Variants in CDH11 observed in about 807,000 individuals in gnomAD.
The protein encoded by CDH11 is cadherin 11, also known as cadherin-11.
In CDH11, 11 loss-of-function variants were observed where a neutral mutation model predicts 67.8. The ratio of observed to expected loss-of-function variants is 0.16; its 90% CI spans 0.10 to 0.27. CDH11 has a LOEUF of 0.27. Ranked by LOEUF, CDH11 falls within the 10% of genes least tolerant of loss-of-function variation. CDH11 has a pLI of 1.00. For synonymous variants in CDH11, 419 were observed against 400.0 expected (o/e 1.05, Z -0.57); for missense variants, 847 against 1,031.2 (o/e 0.82, Z 2.45).
At chr16:65,080,380 T>A (rs1249628257) in intron 1 of CDH11, among the ~76,000 whole-genome samples, 1 of 152,084 alleles carries the variant, frequency 6.6e-6, no homozygotes, top group African/African-American at 2.4e-5. Context: ...TCAAAAGAGG[T>A]AAGACTTTTA....
chr16:64,954,921 T>G (rs2071464015), intron 11 of CDH11, among the ~76,000 whole-genome samples: 1 of 136,148 alleles, frequency 7.3e-6, no homozygotes, highest in Non-Finnish European at 1.6e-5. Flanking sequence ...CTGGCCAAAA[T>G]AGTAAAACCC....
intron 11 of CDH11, among the ~76,000 whole-genome samples, chr16:64,969,490 G>C (rs1189096565): frequency 2.0e-5 from 3 of 152,180 alleles, no homozygotes; most frequent in Non-Finnish European, 4.4e-5. Flanking sequence ...AGTCATATGA[G>C]AACATCTGAG....
intron 2 of CDH11, among the ~76,000 whole-genome samples, chr16:65,021,890 A>AAG (rs1555520098): frequency 2.1e-3 from 321 of 150,804 alleles, no homozygotes; most frequent in African/African-American, 7.5e-3. Context: ...AAAAAAAAAA[A>AAG]AAAGAAAGAA....
rs531643856 is a variant in CDH11 at position 65,107,235 on chromosome 16, T to C, written c.-298+14645A>G. On this transcript the variant is annotated intron_variant, in intron 1 of 12. Coordinates refer to ENST00000268603, the MANE Select transcript of CDH11 (RefSeq NM_001797.4). ...CATCCACTTATTAGCTGCATAATAT[T>C]GGGAAAAGTTGCTGAATTATCCTAG... is the stretch of plus-strand genomic sequence containing the variant. Among the ~76,000 whole-genome samples the C allele has an allele frequency of 4.6e-5, 7 of 152,338 alleles. No individual in the cohort carries two copies. In the South Asian group the frequency reaches 1.4e-3, roughly 32 times the overall value.
At chr16:65,082,462 C>G (rs1178958221) in intron 1 of CDH11, among the ~76,000 whole-genome samples, 4 of 152,126 alleles carry the variant, frequency 2.6e-5, no homozygotes, top group Non-Finnish European at 5.9e-5. Context: ...AGACTGGGCA[C>G]CTGGTATTCC....
intron 1 of CDH11, among the ~76,000 whole-genome samples, chr16:65,102,513 T>C (rs879547884): frequency 3.3e-5 from 5 of 152,246 alleles, no homozygotes; most frequent in Non-Finnish European, 7.3e-5. Flanking sequence ...AACTCTGGAC[T>C]TGCCCATATG....
chr16:64,995,894 C>T (rs2072750511), intron 4 of CDH11, among the ~76,000 whole-genome samples: 1 of 151,926 alleles, frequency 6.6e-6, no homozygotes, highest in Admixed American at 6.6e-5. Context: ...TTAAACAATT[C>T]AACAAGTAAA....
chr16:65,015,044 T>TATTATTATTATTATC (rs1555519288), intron 2 of CDH11, among the ~76,000 whole-genome samples: 31 of 147,980 alleles, frequency 2.1e-4, no homozygotes, highest in African/African-American at 6.4e-4. Flanking sequence ...TTATTATTAT[T>TATTATTATTATTATC]ATTATTATTG....
In CDH11 at chr16:65,120,860, A is replaced by G. The variant is rs894656722; in HGVS notation, c.-298+1020T>C. 4.6e-5 allele frequency among the ~76,000 whole-genome samples: 7 copies of G among 152,130 alleles called. No homozygotes were observed. In the East Asian group the frequency reaches 1.4e-3, roughly 30 times the overall value. On this transcript the variant is annotated intron_variant, in intron 1 of 12. Coordinates refer to ENST00000268603, the MANE Select transcript of CDH11 (RefSeq NM_001797.4). ...TCCCCCGACCCCACTTTCTCTGGGG[A>G]CTCCGCTTCACAGCGTGAGGCGGGC... is the stretch of plus-strand genomic sequence containing the variant.
At chr16:65,054,342 A>G (rs1356483140) in intron 1 of CDH11, among the ~76,000 whole-genome samples, 1 of 152,152 alleles carries the variant, frequency 6.6e-6, no homozygotes, top group Non-Finnish European at 1.5e-5. Flanking sequence ...AGTGAGAAGC[A>G]CCGTTCTGGT....
At chr16:65,047,359 G>GTTT (rs202065971) in intron 2 of CDH11, among the ~76,000 whole-genome samples, 2 of 148,274 alleles carry the variant, frequency 1.3e-5, no homozygotes, top group African/African-American at 5.0e-5. Flanking sequence ...TTTGTTTTTG[G>GTTT]TTTTTTTTTT....
At chr16:65,048,615 A>G (rs2074002655) in intron 2 of CDH11, among the ~76,000 whole-genome samples, 2 of 152,092 alleles carry the variant, frequency 1.3e-5, no homozygotes, top group South Asian at 4.1e-4. Context: ...ACATATATAC[A>G]CATAAAAAAG....
chr16:65,033,863 T>C (rs564476392), intron 2 of CDH11, among the ~76,000 whole-genome samples: 6 of 152,326 alleles, frequency 3.9e-5, no homozygotes, highest in African/African-American at 1.4e-4. Flanking sequence ...GTTTTGCTCA[T>C]TTTCTTATCT....
intron 1 of CDH11, among the ~76,000 whole-genome samples, chr16:65,068,314 A>G (rs1358397805): frequency 1.3e-5 from 2 of 151,330 alleles, no homozygotes; most frequent in Non-Finnish European, 2.9e-5. Context: ...TCTTCAGCAC[A>G]CAAGGAGGCA....
intron 2 of CDH11, among the ~76,000 whole-genome samples, chr16:65,029,833 C>T (rs1007772879): frequency 2.0e-5 from 3 of 152,096 alleles, no homozygotes; most frequent in Admixed American, 6.6e-5. Flanking sequence ...TTAGAGAGAA[C>T]CTGGCCTCAA....
chr16:65,060,138 GA>G (rs1261465975), intron 1 of CDH11, among the ~76,000 whole-genome samples: 1 of 152,148 alleles, frequency 6.6e-6, no homozygotes, highest in African/African-American at 2.4e-5. Flanking sequence ...GAAAGAGGAA[GA>G]AATTAGAACC....
intron 1 of CDH11, among the ~76,000 whole-genome samples, chr16:65,060,352 T>TAG (rs11471435): frequency 0.05 from 6,904 of 137,188 alleles, 189 homozygotes; most frequent in African/African-American, 0.099. Flanking sequence ...TATATATATA[T>TAG]ATAGAGAGAG....
intron 1 of CDH11, among the ~76,000 whole-genome samples, chr16:65,079,966 A>T (rs932770864): frequency 6.6e-6 from 1 of 152,196 alleles, no homozygotes; most frequent in Non-Finnish European, 1.5e-5. Context: ...TTACTTCTTG[A>T]TATTTTTCTA....
intron 3 of CDH11, among the ~76,000 whole-genome samples, chr16:65,001,468 T>C (rs546992097): frequency 7.8e-4 from 118 of 152,150 alleles, no homozygotes; most frequent in Non-Finnish European, 1.0e-3. Flanking sequence ...GCTGCACACC[T>C]GGCAGAAGTT....
Sources: allele counts gnomAD v4.1 joint callset (sites outside exome capture counted in the v4.1 genomes callset), GRCh38; gene constraint gnomAD v4.1.1; transcripts MANE v1.5; gene names NCBI Gene and HGNC (gene_info 2026-07-23, HGNC 2026-07-21).